The following SNRPE variants were observed in gnomAD, a reference collection of about 807,000 sequenced individuals.
The protein encoded by SNRPE is small nuclear ribonucleoprotein E.
For synonymous variants in SNRPE, 35 were observed against 36.7 expected (o/e 0.95, Z 0.17); for missense variants, 53 against 111.6 (o/e 0.48, Z 2.36).
chr1:203,861,685 A>T lies in SNRPE; in HGVS notation c.26A>T (p.Lys9Ile). 2 of 1,613,496 alleles carry T rather than the reference A, an allele frequency of 1.2e-6. No individual in the cohort carries two copies. Among genetic ancestry groups the T allele is most frequent in the Non-Finnish European group, 1.7e-6 (2 of 1,179,374 alleles). Residue 9 changes from lysine (K) to isoleucine (I), a missense_variant, in exon 1 of 5, where the codon AAA becomes ATA. Lys to Ile is a moderately radical substitution (Grantham distance 102). Coordinates refer to ENST00000414487, the MANE Select transcript of SNRPE (RefSeq NM_003094.4). ...ATGGCGTACCGTGGCCAGGGTCAGA[A>T]AGTGCAGAAGGTTATGGTGCAGCCC... is the stretch of plus-strand genomic sequence containing the variant. MAYRGQGQ[K>I]VQKVMVQPIN...
At chr1:203,863,816 C>G in intron 3 of SNRPE, 91 bp downstream of exon 3, 1 of 877,986 alleles carries the variant, frequency 1.1e-6, no homozygotes, top group Non-Finnish European at 1.8e-6. Flanking sequence ...TATAAAAAGT[C>G]AAAGATCCAA....
Position 203,869,879 on chromosome 1 carries a change from C to T in SNRPE, c.226C>T (p.Arg76Trp), listed in dbSNP as rs780012061. Residue 76 changes from arginine to tryptophan, a missense_variant and splice_region_variant, in exon 5 of 5, where the codon CGG (arginine) becomes TGG (tryptophan). Transcript: ENST00000414487. The stretch of plus-strand genomic sequence containing the variant: ...TTTTTGTTGTTTTTGTGTTGCAGGT[C>T]GGATCATGCTAAAAGGAGATAATAT... ...SKTKSRKQLG[R>W]IMLKGDNITL... 1.0e-5 allele frequency: 16 copies of T among 1,602,400 alleles called. No homozygotes were observed. Among genetic ancestry groups the T allele is most frequent in the Non-Finnish European group, 1.4e-5 (16 of 1,173,642 alleles).
In SNRPE at chr1:203,869,701, T is replaced by A. The variant is rs1428062028; in HGVS notation, c.224-176T>A. On this transcript the variant is annotated intron_variant, in intron 4 of 4. Transcript: ENST00000414487. The stretch of plus-strand genomic sequence containing the variant: ...TACCTATGTTAGTCTCTTGAAAAGA[T>A]AAATGTATTCTAATGGAGCCAGAAA... Among the ~76,000 whole-genome samples, 8 of 152,218 alleles carry A rather than the reference T, an allele frequency of 5.3e-5. No homozygotes were observed. In the South Asian group the frequency reaches 1.7e-3, roughly 32 times the overall value.
intron 1 of SNRPE, 34 bp from the exon 2 acceptor site, chr1:203,862,162 C>T (rs775356441): frequency 7.6e-6 from 12 of 1,579,502 alleles, no homozygotes; most frequent in African/African-American, 4.0e-5. Flanking sequence ...GTCTATGCTG[C>T]TTTTGTATTT....
chr1:203,865,339 T>G (rs1690065141), intron 4 of SNRPE, among the ~76,000 whole-genome samples: 1 of 152,172 alleles, frequency 6.6e-6, no homozygotes, highest in Admixed American at 6.6e-5. Context: ...AACCAAAGAC[T>G]AGTGGTATTA....
chr1:203,861,624 G>C lies in SNRPE; in HGVS notation c.-36G>C. The C allele has an allele frequency of 6.3e-7, 1 of 1,576,618 alleles. No individual in the cohort carries two copies. Among genetic ancestry groups the C allele is most frequent in the Non-Finnish European group, 8.7e-7 (1 of 1,145,822 alleles). The stretch of plus-strand genomic sequence containing the variant: ...CTTTATTCCGGAAGTTGCTCTCAGA[G>C]GCAGCGTGCGGGTGTGCTCTTTGTG... On this transcript the variant is annotated 5_prime_UTR_variant, in exon 1 of 5. Coordinates refer to ENST00000414487, the MANE Select transcript of SNRPE (RefSeq NM_003094.4).
chr1:203,863,320 T>C (rs1690015250), intron 2 of SNRPE, among the ~76,000 whole-genome samples: 1 of 151,640 alleles, frequency 6.6e-6, no homozygotes, highest in South Asian at 2.1e-4. Flanking sequence ...ACCTGGCCTG[T>C]TTTTCTTTTC....
Position 203,870,062 on chromosome 1 carries a change from A to G in SNRPE, c.*130A>G, listed in dbSNP as rs1690183967. ...TTACTACAAGATGGCAATAAATACT[A>G]TGGGATTGTTTGTATTAAAAAATTT... is the stretch of plus-strand genomic sequence containing the variant. On this transcript the variant is annotated 3_prime_UTR_variant, in exon 5 of 5. Coordinates refer to ENST00000414487, the MANE Select transcript of SNRPE (RefSeq NM_003094.4). The G allele has an allele frequency of 1.0e-5, 6 of 581,232 alleles. No homozygotes were observed. The highest frequency in any genetic ancestry group is 1.5e-5 in the Non-Finnish European group (5 of 340,500). 36.0% of individuals were successfully genotyped at this position (581,232 alleles called of 1,614,324 possible). A position where few individuals can be genotyped will look rare whatever the true frequency, so the allele number is the denominator to read the frequency against.
At chr1:203,863,848 G>C in intron 3 of SNRPE, 123 bp downstream of exon 3, 1 of 658,088 alleles carries the variant, frequency 1.5e-6, no homozygotes, top group African/African-American at 1.8e-5. Context: ...TTTTTCAGGT[G>C]CTGCTGTTTA....
chr1:203,865,480 T>C (rs1690067854), intron 4 of SNRPE, among the ~76,000 whole-genome samples: 1 of 152,304 alleles, frequency 6.6e-6, no homozygotes, highest in African/African-American at 2.4e-5. Flanking sequence ...GATTTTTCTG[T>C]TTCCTCAGTT....
At chr1:203,862,357 G>T in intron 2 of SNRPE, 135 bp downstream of exon 2, 1 of 686,956 alleles carries the variant, frequency 1.5e-6, no homozygotes, top group Admixed American at 2.2e-5. Flanking sequence ...GGTAATTGAG[G>T]GGAAGGAGTA....
At chr1:203,863,410 C>A (rs1690017454) in intron 2 of SNRPE, among the ~76,000 whole-genome samples, 1 of 151,998 alleles carries the variant, frequency 6.6e-6, no homozygotes, top group Admixed American at 6.5e-5. Flanking sequence ...CTCTGCCTCC[C>A]GGGTTCAAGC....
intron 3 of SNRPE, among the ~76,000 whole-genome samples, chr1:203,864,462 G>A (rs1478318137): frequency 4.6e-5 from 7 of 150,916 alleles, no homozygotes; most frequent in Admixed American, 2.6e-4. Flanking sequence ...GTTGGGGTCC[G>A]GCTCTGTCAC....
Position 203,862,222 on chromosome 1 carries a change from T to C in SNRPE, c.81T>C (p.Asn27=), listed in dbSNP as rs1689992435. The C allele has an allele frequency of 1.2e-6, 2 of 1,605,988 alleles. No homozygotes were observed. The highest frequency in any genetic ancestry group is 1.7e-6 in the Non-Finnish European group (2 of 1,172,556). Residue 27 remains asparagine, a splice_region_variant and synonymous_variant, in exon 2 of 5, where the codon AAT becomes AAC. Transcript: ENST00000414487. ...PINLIFRYLQ[N]RSRIQVWLYE... is the part of the protein sequence containing the mutation. ...ACCTCATCTTCAGATACTTACAAAATGTACGTAAGTTGCTTGTTTCGTAAC... is the reference window on the plus strand; with the variant it reads ...ACCTCATCTTCAGATACTTACAAAACGTACGTAAGTTGCTTGTTTCGTAAC...
chr1:203,865,429 C>T (rs187883559), intron 4 of SNRPE, among the ~76,000 whole-genome samples: 78 of 152,250 alleles, frequency 5.1e-4, no homozygotes, highest in Non-Finnish European at 1.1e-3. Context: ...CTCCTTAAAG[C>T]GCTTTGTTCC....
intron 1 of SNRPE, 64 bp downstream of exon 1, chr1:203,861,777 G>T: frequency 8.4e-7 from 1 of 1,187,310 alleles, no homozygotes; most frequent in Non-Finnish European, 1.3e-6. Flanking sequence ...GAAGGCGCAG[G>T]CTGAGGGCAG....
Position 203,862,124 on chromosome 1 carries a change from GCGT to G in SNRPE, c.55-67_55-65del, listed in dbSNP as rs1471237648. On this transcript the variant is annotated intron_variant, in intron 1 of 4. Coordinates refer to ENST00000414487, the MANE Select transcript of SNRPE (RefSeq NM_003094.4). ...AGTAAACAAAGGTGAGACGGGAATA[GCGT>G]CGTCCGGTTGTTTCAGGAAGCAGAG... 3.4e-6 allele frequency: 4 copies of G among 1,180,550 alleles called. No homozygotes were observed. In the African/African-American group the frequency reaches 6.0e-5, roughly 18 times the overall value. 73.1% of individuals were successfully genotyped at this position (1,180,550 alleles called of 1,614,324 possible).
chr1:203,864,833 C>T (rs1385801888), intron 3 of SNRPE, among the ~76,000 whole-genome samples: 10 of 144,850 alleles, frequency 6.9e-5, no homozygotes, highest in African/African-American at 2.6e-4. Context: ...GCCGAGGTTG[C>T]ACCACTGCAC....
At chr1:203,865,935 C>T (rs999026065) in intron 4 of SNRPE, among the ~76,000 whole-genome samples, 1 of 152,200 alleles carries the variant, frequency 6.6e-6, no homozygotes, top group African/African-American at 2.4e-5. Context: ...CCTCTGCAAG[C>T]TCACCACTCT....
Sources: gnomAD v4.1 joint callset for allele counts (sites outside exome capture counted in the v4.1 genomes callset) on GRCh38, gnomAD v4.1.1 for gene constraint, MANE v1.5 for transcripts, NCBI Gene and HGNC (gene_info 2026-07-23, HGNC 2026-07-21) for gene names.